The following DLGAP2 variants were observed in gnomAD, a reference collection of about 807,000 sequenced individuals.
DLGAP2 encodes DLG associated protein 2.
A neutral mutation model predicts 100.3 loss-of-function variants in DLGAP2; 26 were observed. That is an observed-to-expected ratio of 0.26 (90% CI 0.19 to 0.36). The LOEUF is 0.36. DLGAP2 is among the 10% of genes least tolerant of loss of function. DLGAP2 has a pLI of 1.00. For missense variants in DLGAP2, 1,858 were observed against 1,453.2 expected, an observed-to-expected ratio of 1.28 and a Z score of -4.53; for synonymous variants, 886 against 630.1, an observed-to-expected ratio of 1.41 and a Z score of -6.08.
At chr8:1,458,078 A>G (rs1422795187) in intron 3 of DLGAP2, among the ~76,000 whole-genome samples, 1 of 143,908 alleles carries the variant, frequency 6.9e-6, no homozygotes, top group Non-Finnish European at 1.5e-5. Context: ...AATTTTTTGT[A>G]TGTGTTTTTA....
At chr8:1,252,853 A>C (rs1483868223) in intron 2 of DLGAP2, among the ~76,000 whole-genome samples, 1 of 152,192 alleles carries the variant, frequency 6.6e-6, no homozygotes, top group Non-Finnish European at 1.5e-5. Context: ...GACTTGGAAG[A>C]GGAAAGACGT....
chr8:1,117,211 G>A (rs1805144860), intron 2 of DLGAP2, among the ~76,000 whole-genome samples: 1 of 152,194 alleles, frequency 6.6e-6, no homozygotes. Flanking sequence ...GTGAGCCTGT[G>A]GACAAAGCAC....
chr8:1,214,629 T>G (rs1798175541), intron 2 of DLGAP2, among the ~76,000 whole-genome samples: 2 of 152,214 alleles, frequency 1.3e-5, no homozygotes, highest in Non-Finnish European at 2.9e-5. Context: ...GTCTGCTTCT[T>G]CCCTATTGTC....
intron 3 of DLGAP2, among the ~76,000 whole-genome samples, chr8:1,337,364 T>C (rs1317284323): frequency 3.4e-5 from 2 of 58,924 alleles, no homozygotes; most frequent in African/African-American, 1.7e-4. Flanking sequence ...GGGGTGAGGA[T>C]GACAGTGATG....
At chr8:1,270,997 T>C (rs908653628) in intron 3 of DLGAP2, among the ~76,000 whole-genome samples, 2 of 152,234 alleles carry the variant, frequency 1.3e-5, no homozygotes, top group Non-Finnish European at 2.9e-5. Context: ...GGAAGTAATT[T>C]TTTAAATTTC....
chr8:1,602,578 A>G (rs1796663468), intron 6 of DLGAP2, among the ~76,000 whole-genome samples: 1 of 152,230 alleles, frequency 6.6e-6, no homozygotes, highest in Non-Finnish European at 1.5e-5. Flanking sequence ...CACTGGCTTC[A>G]TTCAGACCGT....
intron 1 of DLGAP2, among the ~76,000 whole-genome samples, chr8:744,296 A>G (rs1820560590): frequency 6.6e-6 from 1 of 152,046 alleles, no homozygotes; most frequent in South Asian, 2.1e-4. Context: ...ACCTCTCACC[A>G]CCTTGTAATT....
chr8:1,291,966 T>C (rs1800069634), intron 3 of DLGAP2, among the ~76,000 whole-genome samples: 1 of 152,218 alleles, frequency 6.6e-6, no homozygotes, highest in African/African-American at 2.4e-5. Context: ...GCCTGAAAGA[T>C]GTAGGGACAT....
chr8:1,182,392 G>T, intron 2 of DLGAP2, among the ~76,000 whole-genome samples: 1 of 152,258 alleles, frequency 6.6e-6, no homozygotes, highest in African/African-American at 2.4e-5. Context: ...GACCCCAACA[G>T]AATTGTATCA....
At chr8:941,457 G>A (rs972365133) in intron 2 of DLGAP2, among the ~76,000 whole-genome samples, 1 of 151,244 alleles carries the variant, frequency 6.6e-6, no homozygotes, top group Non-Finnish European at 1.5e-5. Flanking sequence ...CTGGAAACCC[G>A]TCAGACTCTA....
At chr8:1,651,795 A>C (rs577748337) in intron 8 of DLGAP2, among the ~76,000 whole-genome samples, 1 of 152,228 alleles carries the variant, frequency 6.6e-6, no homozygotes, top group Non-Finnish European at 1.5e-5. Context: ...GTATGTGCTC[A>C]TCAGAAGTAA....
chr8:1,622,973 T>C (rs1797386426), intron 6 of DLGAP2, among the ~76,000 whole-genome samples: 2 of 152,196 alleles, frequency 1.3e-5, no homozygotes. Flanking sequence ...CCCATCTTGA[T>C]TGGCTCCCCC....
At chr8:828,895 G>T (rs867784577) in intron 1 of DLGAP2, among the ~76,000 whole-genome samples, 1 of 152,150 alleles carries the variant, frequency 6.6e-6, no homozygotes, top group Non-Finnish European at 1.5e-5. Context: ...ATTATTCTCA[G>T]GGTCTATATG....
At chr8:1,650,497 G>A (rs1229425372) in intron 8 of DLGAP2, among the ~76,000 whole-genome samples, 3 of 152,242 alleles carry the variant, frequency 2.0e-5, no homozygotes, top group Non-Finnish European at 4.4e-5. Flanking sequence ...CGATAAAACG[G>A]AGGTTTTATC....
chr8:1,511,576 G>C (rs1273309785), intron 4 of DLGAP2, among the ~76,000 whole-genome samples: 2 of 151,556 alleles, frequency 1.3e-5, no homozygotes, highest in Admixed American at 6.6e-5. Flanking sequence ...TCTAGTGTAA[G>C]ACAGTCAATA....
chr8:1,495,187 G>A (rs1389465468), intron 3 of DLGAP2, among the ~76,000 whole-genome samples: 1 of 152,184 alleles, frequency 6.6e-6, no homozygotes, highest in Admixed American at 6.5e-5. Context: ...TCGTCTTCCA[G>A]GCAAGTTGCC....
At chr8:1,364,336 AT>A (rs1802056675) in intron 3 of DLGAP2, among the ~76,000 whole-genome samples, 1 of 152,104 alleles carries the variant, frequency 6.6e-6, no homozygotes, top group African/African-American at 2.4e-5. Flanking sequence ...CAGACTCAGA[AT>A]AGGATCGTTC....
At chr8:1,605,066 C>A (rs376340705) in intron 6 of DLGAP2, among the ~76,000 whole-genome samples, 9 of 152,306 alleles carry the variant, frequency 5.9e-5, no homozygotes, top group African/African-American at 2.2e-4. Context: ...TGCAGCCAAC[C>A]TCGGTGCCAT....
chr8:823,494 G>A (rs1317678415), intron 1 of DLGAP2, among the ~76,000 whole-genome samples: 1 of 152,156 alleles, frequency 6.6e-6, no homozygotes, highest in African/African-American at 2.4e-5. Flanking sequence ...ACTCTGGTGT[G>A]TTTAAGCAGA....
Sources: gnomAD v4.1 joint callset for allele counts (sites outside exome capture counted in the v4.1 genomes callset) on GRCh38, gnomAD v4.1.1 for gene constraint, MANE v1.5 for transcripts, NCBI Gene and HGNC (gene_info 2026-07-23, HGNC 2026-07-21) for gene names.